Variants in ANO1 observed in about 807,000 individuals in gnomAD.
The protein encoded by ANO1 is anoctamin-1.
Under a neutral mutation model 124.0 loss-of-function variants are expected in ANO1, and 59 were observed. The ratio of observed to expected loss-of-function variants is 0.48; its 90% CI spans 0.39 to 0.59. The LOEUF is 0.59. ANO1 is among the 20% of genes least tolerant of loss of function. The pLI, the probability that ANO1 is intolerant of heterozygous loss-of-function variation, is 0.00. For synonymous variants in ANO1, 529 were observed against 532.0 expected (o/e 0.99, Z 0.08); for missense variants, 1,059 against 1,328.0 (o/e 0.80, Z 3.15).
chr11:69,970,346 G>A, the ANO1 span, among the ~76,000 whole-genome samples: 30 of 152,170 alleles, frequency 2.0e-4, no homozygotes, highest in Non-Finnish European at 3.7e-4. Flanking sequence ...TCAGACCCAC[G>A]GGGAACAGCA....
Position 70,182,449 on chromosome 11 carries a change from G to C in ANO1, c.2404-53G>C, listed in dbSNP as rs2048962816. 1.5e-5 allele frequency: 21 copies of C among 1,428,084 alleles called. No individual in the cohort carries two copies. The South Asian group carries it at 2.4e-4, about 16-fold the overall frequency. The allele number at this position is 1,428,084 out of a possible 1,614,324, so 88.5% of individuals were successfully genotyped here. On this transcript the variant is annotated intron_variant, in intron 23 of 25. Transcript: ENST00000355303. ...GATGGGTCACCCCCTGTTGCGGCCGGCCCTTCTGCGCCCAGGCTGGGGGTC... is the reference window on the plus strand; with the variant it reads ...GATGGGTCACCCCCTGTTGCGGCCGCCCCTTCTGCGCCCAGGCTGGGGGTC...
intron 6 of ANO1, among the ~76,000 whole-genome samples, chr11:70,110,584 A>G (rs973596930): frequency 8.6e-5 from 13 of 152,026 alleles, no homozygotes; most frequent in Non-Finnish European, 1.8e-4. Context: ...TAGTCCCCTG[A>G]TCATTCCAGG....
At chr11:70,118,725 A>T (rs936763043) in intron 8 of ANO1, among the ~76,000 whole-genome samples, 1 of 148,122 alleles carries the variant, frequency 6.8e-6, no homozygotes, top group African/African-American at 2.5e-5. Context: ...GAGTGGGTGG[A>T]TGGATGGGTG....
At chr11:70,013,092 A>G (rs1214909086) in intron 1 of ANO1, among the ~76,000 whole-genome samples, 2 of 152,260 alleles carry the variant, frequency 1.3e-5, no homozygotes, top group Non-Finnish European at 2.9e-5. Context: ...ACAAAAAACC[A>G]CATTTAATCC....
In ANO1 at chr11:70,187,773, GGTCATCCCGGAC is replaced by G; in HGVS notation, c.2731_2742del (p.Val911_Asp914del). ...TGTTCATGAGCGACTTTGTGGACTG[GGTCATCCCGGAC>G]ATCCCCAAGGACATCAGCCAGCAGA... On this transcript the variant is annotated inframe_deletion, in exon 26 of 26. Transcript: ENST00000355303. 6.2e-7 allele frequency: 1 copy of G among 1,609,488 alleles called. No individual in the cohort carries two copies.
chr11:70,095,427 A>AAAAG lies in ANO1; in HGVS notation c.441+7347_441+7350dup, dbSNP rs1465646549. ...GAAAGAAAGAAAGAAAGAAAGAAAGAAAAGAAAAGAAAGAAAGAGGGAAAG... is the reference window on the plus strand; with the variant it reads ...GAAAGAAAGAAAGAAAGAAAGAAAGAAAAGAAAGAAAAGAAAGAAAGAGGGAAAG... On this transcript the variant is annotated intron_variant, in intron 2 of 25. Coordinates refer to ENST00000355303, the MANE Select transcript of ANO1 (RefSeq NM_018043.7). Among the ~76,000 whole-genome samples the AAAAG allele has an allele frequency of 6.5e-3, 198 of 30,688 alleles. 12 individuals are homozygous for AAAAG. Among genetic ancestry groups the AAAAG allele is most frequent in the Middle Eastern group, 0.062 (2 of 32 alleles). The allele number at this position is 30,688 out of a possible 152,430, so 20.1% of individuals were successfully genotyped here. A position where few individuals can be genotyped will look rare whatever the true frequency, so the allele number is the denominator to read the frequency against.
At chr11:70,124,306 G>A (rs2509160) in intron 8 of ANO1, 44 bp from the exon 9 acceptor site, 1,122,856 of 1,596,636 alleles carry the variant, frequency 0.7, 396,552 homozygotes, top group Admixed American at 0.8. Flanking sequence ...GAGCAACCTC[G>A]GAGTGCCACA....
intron 7 of ANO1, among the ~76,000 whole-genome samples, chr11:70,114,037 C>A (rs374100048): frequency 5.9e-5 from 9 of 152,182 alleles, no homozygotes; most frequent in African/African-American, 2.2e-4. Context: ...AATTGACTGG[C>A]GCAAAACTCC....
chr11:70,127,121 TC>T (rs2046552379), intron 10 of ANO1, among the ~76,000 whole-genome samples: 1 of 146,766 alleles, frequency 6.8e-6, no homozygotes, highest in African/African-American at 2.6e-5. Flanking sequence ...AGTCTGGTGC[TC>T]CCAGGAGGTG....
chr11:70,169,778 C>T (rs1392343639), intron 21 of ANO1, among the ~76,000 whole-genome samples: 1 of 152,262 alleles, frequency 6.6e-6, no homozygotes, highest in East Asian at 1.9e-4. Flanking sequence ...ACAGTGCTCA[C>T]ACTCAGGGCA....
intron 1 of ANO1, among the ~76,000 whole-genome samples, chr11:70,041,856 T>C (rs1234053210): frequency 6.6e-6 from 1 of 152,206 alleles, no homozygotes; most frequent in Admixed American, 6.5e-5. Flanking sequence ...TCCTGGTTAT[T>C]TTCCTGCTGT....
chr11:70,063,773 C>A (rs1481399541), intron 1 of ANO1: 6 of 152,364 alleles, frequency 3.9e-5, no homozygotes, highest in African/African-American at 1.2e-4. Context: ...AAGGGACACG[C>A]CTCAGCCCCA....
At chr11:70,132,118 G>T in intron 11 of ANO1, 39 bp downstream of exon 11, 1 of 1,545,176 alleles carries the variant, frequency 6.5e-7, no homozygotes, top group Non-Finnish European at 8.7e-7. Context: ...TTGGGCAGTG[G>T]TGAGTCTGAG....
At chr11:70,142,672 C>G (rs948711274) in intron 11 of ANO1, among the ~76,000 whole-genome samples, 1 of 152,184 alleles carries the variant, frequency 6.6e-6, no homozygotes, top group Non-Finnish European at 1.5e-5. Flanking sequence ...TTAGTCTGCT[C>G]CAGCTGCCAT....
At chr11:70,100,798 G>C (rs2045236691) in intron 2 of ANO1, among the ~76,000 whole-genome samples, 1 of 152,060 alleles carries the variant, frequency 6.6e-6, no homozygotes, top group Non-Finnish European at 1.5e-5. Context: ...GCACGGAACT[G>C]ACATTGAGTG....
chr11:70,030,509 ATCCGCAGGACTGG>A (rs551926567), intron 1 of ANO1, among the ~76,000 whole-genome samples: 65 of 152,340 alleles, frequency 4.3e-4, no homozygotes, highest in African/African-American at 1.6e-3. Flanking sequence ...AAACCAAGTC[ATCCGCAGGACTGG>A]TCCCTTCACA....
At chr11:70,016,424 T>C (rs1050878123) in intron 1 of ANO1, 9 of 152,250 alleles carry the variant, frequency 5.9e-5, no homozygotes, top group Admixed American at 1.3e-4. Flanking sequence ...GGTGGCGGCT[T>C]ACCTATGCTG....
At chr11:70,183,075 C>G (rs2135845604) in intron 24 of ANO1, among the ~76,000 whole-genome samples, 1 of 152,300 alleles carries the variant, frequency 6.6e-6, no homozygotes, top group Admixed American at 6.5e-5. Flanking sequence ...CACCACTGCA[C>G]TCCAGCCTGG....
At chr11:70,145,555 A>C (rs1240100781) in intron 11 of ANO1, among the ~76,000 whole-genome samples, 1 of 151,820 alleles carries the variant, frequency 6.6e-6, no homozygotes, top group Non-Finnish European at 1.5e-5. Flanking sequence ...TCTAGGCTCC[A>C]GTCTGGGTCC....
Sources: allele counts gnomAD v4.1 joint callset (sites outside exome capture counted in the v4.1 genomes callset), GRCh38; gene constraint gnomAD v4.1.1; transcripts MANE v1.5; gene names NCBI Gene and HGNC (gene_info 2026-07-23, HGNC 2026-07-21).